The following ATG3 variants were observed in gnomAD, a reference collection of about 807,000 sequenced individuals.
ATG3 encodes ubiquitin-like-conjugating enzyme ATG3.
ATG3 carries 25 observed loss-of-function variants against 50.7 expected under a neutral mutation model. That is an observed-to-expected ratio of 0.49 (90% CI 0.36 to 0.69). The LOEUF (loss-of-function observed/expected upper bound fraction) is 0.69. Among genes scored for constraint, ATG3 ranks in the 30% least tolerant of loss-of-function variants. The pLI is 0.00. For missense variants in ATG3, 281 were observed against 376.0 expected (o/e 0.75, Z 2.09); for synonymous variants, 119 against 125.5 (o/e 0.95, Z 0.34).
chr3:112,538,337 C>CCTG, intron 7 of ATG3, 157 bp from the exon 8 acceptor site: 1 of 592,246 alleles, frequency 1.7e-6, no homozygotes, highest in South Asian at 2.4e-5. Context: ...TGAGCTAATT[C>CCTG]TATACTTCCA....
chr3:112,561,387 C>G, intron 1 of ATG3, 70 bp downstream of exon 1: 1 of 1,519,644 alleles, frequency 6.6e-7, no homozygotes, highest in Non-Finnish European at 9.1e-7. Context: ...AGCGGGGACT[C>G]CTGCGGCGCC....
chr3:112,558,519 G>A, intron 1 of ATG3, 102 bp from the exon 2 acceptor site: 2 of 881,806 alleles, frequency 2.3e-6, no homozygotes, highest in East Asian at 4.9e-5. Context: ...AGGCAATAGA[G>A]CACATACAAA....
chr3:112,550,568 A>G (rs1193057027), intron 3 of ATG3, among the ~76,000 whole-genome samples: 1 of 152,232 alleles, frequency 6.6e-6, no homozygotes, highest in African/African-American at 2.4e-5. Context: ...CCTCTAAACA[A>G]CAATAAAATA....
At chr3:112,544,527 G>A (rs1261610095) in intron 5 of ATG3, among the ~76,000 whole-genome samples, 1 of 151,866 alleles carries the variant, frequency 6.6e-6, no homozygotes, top group Non-Finnish European at 1.5e-5. Flanking sequence ...GGTGGCGTGT[G>A]CCTGTAGTCC....
At chr3:112,544,368 C>G (rs755982591) in intron 5 of ATG3, among the ~76,000 whole-genome samples, 1 of 152,098 alleles carries the variant, frequency 6.6e-6, no homozygotes, top group Non-Finnish European at 1.5e-5. Context: ...AGAAACAGAA[C>G]AGTTTGGCCA....
Position 112,548,948 on chromosome 3 carries a change from C to T in ATG3, c.236-308G>A, listed in dbSNP as rs139112364. Among the ~76,000 whole-genome samples, 30 of 152,296 alleles carry T rather than the reference C, an allele frequency of 2.0e-4. No homozygotes were observed. The East Asian group carries it at 5.6e-3, about 28-fold the overall frequency. The stretch of plus-strand genomic sequence containing the variant: ...GCAGGCTGATGTCAGAGATACATAT[C>T]ATAGTTCAATTTCAGTCTAATGAAT... On this transcript the variant is annotated intron_variant, in intron 4 of 11. Coordinates refer to ENST00000283290, the MANE Select transcript of ATG3 (RefSeq NM_022488.5).
intron 2 of ATG3, among the ~76,000 whole-genome samples, chr3:112,557,315 C>G (rs1236809605): frequency 6.6e-6 from 1 of 152,148 alleles, no homozygotes; most frequent in Non-Finnish European, 1.5e-5. Flanking sequence ...GCGTGAGCCA[C>G]CACGCCCAGC....
intron 7 of ATG3, 143 bp from the exon 8 acceptor site, chr3:112,538,323 T>G: frequency 1.6e-6 from 1 of 624,768 alleles, no homozygotes; most frequent in Non-Finnish European, 2.8e-6. Flanking sequence ...TAGATAGATA[T>G]AAGTGAGCTA....
chr3:112,538,019 G>A lies in ATG3; in HGVS notation c.510+127C>T, dbSNP rs1054625764. 287 of 1,211,904 alleles carry A rather than the reference G, an allele frequency of 2.4e-4. 1 individual carries two copies. The highest frequency in any genetic ancestry group is 2.1e-3 in the South Asian group (145 of 69,604). 75.1% of individuals were successfully genotyped at this position (1,211,904 alleles called of 1,614,324 possible). A position where few individuals can be genotyped will look rare whatever the true frequency, so the allele number is the denominator to read the frequency against. On this transcript the variant is annotated intron_variant, in intron 8 of 11. Coordinates refer to ENST00000283290, the MANE Select transcript of ATG3 (RefSeq NM_022488.5). ...AAATGAACTTGGAACTCAAAGCTAC[G>A]TTTTATATGCTATAATCAATATGAA... is the stretch of plus-strand genomic sequence containing the variant.
intron 10 of ATG3, chr3:112,534,904 A>G (rs2107366249): frequency 6.6e-6 from 1 of 152,214 alleles, no homozygotes; most frequent in South Asian, 2.1e-4. Context: ...AAGAAAAGCT[A>G]ATTGGTTAGA....
At chr3:112,557,357 C>T (rs1017154091) in intron 2 of ATG3, among the ~76,000 whole-genome samples, 5 of 151,890 alleles carry the variant, frequency 3.3e-5, no homozygotes, top group African/African-American at 1.2e-4. Context: ...CACAAGGAGC[C>T]GGGCGCAGTG....
At chr3:112,539,872 A>G (rs932299916) in intron 7 of ATG3, among the ~76,000 whole-genome samples, 2 of 152,246 alleles carry the variant, frequency 1.3e-5, no homozygotes, top group African/African-American at 4.8e-5. Context: ...AGGCAATCCC[A>G]CAGCTTGTAC....
intron 11 of ATG3, chr3:112,533,682 A>G (rs2082571872): frequency 2.0e-6 from 2 of 985,248 alleles, no homozygotes; most frequent in Admixed American, 6.2e-5. Context: ...CTATGCTATG[A>G]GTACATGTAC....
At chr3:112,554,983 G>A (rs1177469559) in intron 2 of ATG3, among the ~76,000 whole-genome samples, 2 of 152,034 alleles carry the variant, frequency 1.3e-5, no homozygotes, top group East Asian at 3.8e-4. Context: ...TGAGCACTTC[G>A]AGCTCATTGC....
In ATG3 at chr3:112,560,913, G is replaced by T. The variant is rs79477988; in HGVS notation, c.72+544C>A. On this transcript the variant is annotated intron_variant, in intron 1 of 11. Transcript: ENST00000283290. Reference sequence around the variant, plus strand: ...GGAAAAAGGTTTTGCTCGTTAGATGGGTTCAAGGTTACTGAATGAGATAAT... The same window carrying T: ...GGAAAAAGGTTTTGCTCGTTAGATGTGTTCAAGGTTACTGAATGAGATAAT... 7.2e-5 allele frequency among the ~76,000 whole-genome samples: 11 copies of T among 152,242 alleles called. No individual in the cohort carries two copies. The East Asian group carries it at 1.2e-3, about 16-fold the overall frequency.
intron 7 of ATG3, among the ~76,000 whole-genome samples, chr3:112,541,321 C>T (rs1933218198): frequency 6.6e-6 from 1 of 151,042 alleles, no homozygotes; most frequent in Admixed American, 6.6e-5. Flanking sequence ...TGGGAGACGG[C>T]GGTTGCAGTG....
intron 5 of ATG3, among the ~76,000 whole-genome samples, chr3:112,544,608 C>T (rs868438098): frequency 4.3e-5 from 6 of 139,810 alleles, no homozygotes; most frequent in African/African-American, 1.0e-4. Context: ...GAGCCGAAAT[C>T]GCACCATTGC....
At chr3:112,554,706 G>A (rs1414307005) in intron 2 of ATG3, among the ~76,000 whole-genome samples, 2 of 152,164 alleles carry the variant, frequency 1.3e-5, no homozygotes, top group Non-Finnish European at 2.9e-5. Flanking sequence ...TTACTACACA[G>A]CAAAAAATTA....
intron 2 of ATG3, among the ~76,000 whole-genome samples, chr3:112,556,598 G>A (rs1185964071): frequency 6.6e-6 from 1 of 152,224 alleles, no homozygotes; most frequent in African/African-American, 2.4e-5. Flanking sequence ...GGAAAGGTGG[G>A]GAAAAGATTG....
Sources: gnomAD v4.1 joint callset for allele counts (sites outside exome capture counted in the v4.1 genomes callset) on GRCh38, gnomAD v4.1.1 for gene constraint, MANE v1.5 for transcripts, NCBI Gene and HGNC (gene_info 2026-07-23, HGNC 2026-07-21) for gene names.